Variants in WDR4 observed in about 807,000 individuals in gnomAD.
WDR4 encodes WDR4 tRNA N7-guanosine methyltransferase non-catalytic subunit.
WDR4 carries 47 observed loss-of-function variants against 48.6 expected under a neutral mutation model. That is an observed-to-expected ratio of 0.97 (90% CI 0.77 to 1.23). The LOEUF is 1.23. Among genes scored for constraint, WDR4 ranks in the 50% most tolerant of loss-of-function variants. The pLI is 0.00. For missense variants in WDR4, 606 were observed against 551.6 expected (o/e 1.10, Z -0.99); for synonymous variants, 268 against 230.0 (o/e 1.17, Z -1.49).
the WDR4 span, among the ~76,000 whole-genome samples, chr21:42,891,562 G>T: frequency 2.1e-3 from 316 of 152,122 alleles, no homozygotes; most frequent in African/African-American, 7.3e-3. Context: ...TCCAGATCAG[G>T]ATCCCCAAAT....
chr21:42,876,806 T>C (rs1226903799), intron 1 of WDR4, 39 bp from the exon 2 acceptor site: 1 of 1,581,864 alleles, frequency 6.3e-7, no homozygotes, highest in South Asian at 1.2e-5. Context: ...GGAGTTATCA[T>C]TAGAGAGAAA....
chr21:42,884,065 T>C (rs2058623271), upstream of WDR4, among the ~76,000 whole-genome samples: 1 of 152,240 alleles, frequency 6.6e-6, no homozygotes, highest in South Asian at 2.1e-4. Context: ...AATATTAGGT[T>C]TCCAAGGTTC....
At position 42,862,521 on chromosome 21, in the gene WDR4, C is replaced by A; in HGVS notation, c.454-127G>T. The A allele has an allele frequency of 3.8e-6, 3 of 780,594 alleles. No homozygotes were observed. Among genetic ancestry groups the A allele is most frequent in the Non-Finnish European group, 6.2e-6 (3 of 487,160 alleles). 48.4% of individuals were successfully genotyped at this position (780,594 alleles called of 1,614,324 possible). On this transcript the variant is annotated intron_variant, in intron 4 of 10. Coordinates refer to ENST00000398208, the MANE Select transcript of WDR4 (RefSeq NM_018669.6). This position sits in a 1 kb window ranked among gnomAD's most constrained non-coding sequence, Gnocchi z 4.3. ...GAGGATGAGGCCTTCGAGGACAGAC[C>A]AGCGTGGCTCCTCCCCTCCTCCCGT...
rs1262508499 is a variant in WDR4 at position 42,879,456 on chromosome 21, A to C, written c.40T>G (p.Leu14Val). The change falls in exon 1 of 11, where the codon TTG (leucine) becomes GTG (valine). Residue 14 changes from leucine to valine, a missense_variant. Coordinates refer to ENST00000398208, the MANE Select transcript of WDR4 (RefSeq NM_018669.6). ...SVGLALCGQT[L>V]VVRGGSRFLA... ...AATCGGCTGCCGCCCCGCACCACCA[A>C]CGTCTGCCCGCACAACGCCAGTCCC... 1 of 1,613,242 alleles carries C rather than the reference A, an allele frequency of 6.2e-7. No homozygotes were observed. Among genetic ancestry groups the C allele is most frequent in the Non-Finnish European group, 8.5e-7 (1 of 1,179,730 alleles).
rs149553550 is a variant in WDR4 at position 42,853,674 on chromosome 21, G to T, written c.870C>A (p.His290Gln). ...CCTCGAAAGCCACGTCCCACACTTG[G>T]TGCTGGAACGCCAGCTGCTGCCTGT... ...LVYRQQLAFQ[H>Q]QVWDVAFEET... The change falls in exon 9 of 11, where the codon CAC becomes CAA. Residue 290 changes from histidine (H) to glutamine (Q), a missense_variant. His to Gln is a conservative substitution (Grantham distance 24). Transcript: ENST00000398208. 4 of 1,588,250 alleles carry T rather than the reference G, an allele frequency of 2.5e-6. No individual in the cohort carries two copies. Among genetic ancestry groups the T allele is most frequent in the South Asian group, 1.2e-5 (1 of 86,952 alleles).
At chr21:42,867,327 G>A (rs2058268513) in intron 3 of WDR4, among the ~76,000 whole-genome samples, 2 of 150,424 alleles carry the variant, frequency 1.3e-5, no homozygotes, top group African/African-American at 2.5e-5. Context: ...GGAGGTGGAG[G>A]TTGCAGTGAG....
At chr21:42,872,918 C>CA (rs2058404976) in intron 3 of WDR4, among the ~76,000 whole-genome samples, 1 of 152,106 alleles carries the variant, frequency 6.6e-6, no homozygotes, top group Non-Finnish European at 1.5e-5. Flanking sequence ...GCCTGGGCAA[C>CA]AAAAGCAAAA....
chr21:42,851,927 C>T (rs533440719), intron 10 of WDR4, among the ~76,000 whole-genome samples: 5 of 152,246 alleles, frequency 3.3e-5, no homozygotes, highest in Non-Finnish European at 7.3e-5. Context: ...AGGCATGAGG[C>T]AGCACAGCAC....
rs749116341 is a variant in WDR4, at chr21:42,859,650, C to T, written c.627+12G>A. The T allele has an allele frequency of 3.1e-6, 4 of 1,288,050 alleles. No homozygotes were observed. Among genetic ancestry groups the T allele is most frequent in the Non-Finnish European group, 4.1e-6 (4 of 979,788 alleles). The allele number at this position is 1,288,050 out of a possible 1,614,324, so 79.8% of individuals were successfully genotyped here. A position where few individuals can be genotyped will look rare whatever the true frequency, so the allele number is the denominator to read the frequency against. On this transcript the variant is annotated intron_variant, in intron 6 of 10. Coordinates refer to ENST00000398208, the MANE Select transcript of WDR4 (RefSeq NM_018669.6). ...GAATCCAGAGGTGAGTGACGCTGGG[C>T]AGAACACTTACCCCAGAGGAGGACA...
intron 1 of WDR4, among the ~76,000 whole-genome samples, chr21:42,877,374 C>T (rs940013339): frequency 1.3e-4 from 20 of 151,290 alleles, no homozygotes; most frequent in African/African-American, 4.4e-4. Context: ...AAGCTCCTGA[C>T]CTCAGATGAT....
At chr21:42,887,652 C>T in the WDR4 span, among the ~76,000 whole-genome samples, 1 of 152,190 alleles carries the variant, frequency 6.6e-6, no homozygotes, top group Non-Finnish European at 1.5e-5. Context: ...TTTACATTTA[C>T]GTTTCTCTCA....
intron 3 of WDR4, among the ~76,000 whole-genome samples, chr21:42,867,393 CAA>C (rs1209418380): frequency 1.6e-4 from 21 of 133,504 alleles, no homozygotes; most frequent in Admixed American, 8.3e-4. Flanking sequence ...TCCGCTCCAC[CAA>C]AAAAAAAAAA....
intron 1 of WDR4, chr21:42,878,894 G>T: frequency 1.1e-6 from 1 of 932,030 alleles, no homozygotes; most frequent in Non-Finnish European, 1.3e-6. Context: ...CCAGGTGAGT[G>T]GATGCAGGCC....
chr21:42,859,594 G>A (rs2058069075), intron 6 of WDR4, 68 bp downstream of exon 6: 1 of 511,146 alleles, frequency 2.0e-6, no homozygotes, highest in Non-Finnish European at 3.5e-6. Flanking sequence ...AGGTCCAGGA[G>A]GCGCCCACCC....
chr21:42,853,734 G>C lies in WDR4; in HGVS notation c.810C>G (p.Ile270Met). 1 of 1,559,640 alleles carries C rather than the reference G, an allele frequency of 6.4e-7. No homozygotes were observed. Among genetic ancestry groups the C allele is most frequent in the Non-Finnish European group, 8.7e-7 (1 of 1,151,650 alleles). Residue 270 changes from isoleucine to methionine, a missense_variant, in exon 9 of 11, where the codon ATC becomes ATG. Ile to Met is a conservative substitution (Grantham distance 10, BLOSUM62 1). Transcript: ENST00000398208. ...GCTGTCTGCGGGCGTCCAGCTGGAAGATGTAGACCACAGGAGTGCTTGCCA... is the reference window on the plus strand; with the variant it reads ...GCTGTCTGCGGGCGTCCAGCTGGAACATGTAGACCACAGGAGTGCTTGCCA... ...LLCDGTPVVY[I>M]FQLDARRQQL...
At chr21:42,846,224 T>C (rs751016877), downstream of WDR4, among the ~76,000 whole-genome samples, 3 of 152,208 alleles carry the variant, frequency 2.0e-5, no homozygotes, top group Middle Eastern at 3.4e-3. Flanking sequence ...CCATTGATAA[T>C]AGAATGAACG....
downstream of WDR4, among the ~76,000 whole-genome samples, chr21:42,846,792 C>T (rs1602675719): frequency 6.6e-6 from 1 of 152,070 alleles, no homozygotes; most frequent in Admixed American, 6.5e-5. Context: ...GAGTGCGAGG[C>T]GAGAGGATCA....
chr21:42,877,972 G>A (rs1431406563), intron 1 of WDR4, among the ~76,000 whole-genome samples: 1 of 149,792 alleles, frequency 6.7e-6, no homozygotes, highest in African/African-American at 2.5e-5. Flanking sequence ...GTGAACCCGG[G>A]AGGCGGAGCT....
Position 42,849,887 on chromosome 21 carries a change from GAC to G in WDR4, c.*160_*161del, listed in dbSNP as rs1270542538. On this transcript the variant is annotated 3_prime_UTR_variant, in exon 11 of 11. Coordinates refer to ENST00000398208, the MANE Select transcript of WDR4 (RefSeq NM_018669.6). ...GCACCCAGCAAGAGCCTGTGCTGGTGACACAGAATGTTCTTTCTAGAGCCCAG... is the reference window on the plus strand; with the variant it reads ...GCACCCAGCAAGAGCCTGTGCTGGTGACAGAATGTTCTTTCTAGAGCCCAG... 1.2e-6 allele frequency: 1 copy of G among 843,510 alleles called. No individual in the cohort carries two copies. The highest frequency in any genetic ancestry group is 1.8e-6 in the Non-Finnish European group (1 of 556,156). The allele number at this position is 843,510 out of a possible 1,614,324, so 52.3% of individuals were successfully genotyped here. A position where few individuals can be genotyped will look rare whatever the true frequency, so the allele number is the denominator to read the frequency against.
Sources: allele counts gnomAD v4.1 joint callset (sites outside exome capture counted in the v4.1 genomes callset), GRCh38; gene constraint gnomAD v4.1.1; non-coding constraint Gnocchi (gnomAD v3.1); transcripts MANE v1.5; gene names NCBI Gene and HGNC (gene_info 2026-07-23, HGNC 2026-07-21).